Variants in KATNA1 observed in about 807,000 individuals in gnomAD.
KATNA1 encodes katanin catalytic subunit A1.
Under a neutral mutation model 62.6 loss-of-function variants are expected in KATNA1, and 42 were observed. That is an observed-to-expected ratio of 0.67 (90% CI 0.52 to 0.87). KATNA1 has a LOEUF of 0.87. Among genes scored for constraint, KATNA1 ranks in the 40% least tolerant of loss-of-function variants. The pLI, the probability that KATNA1 is intolerant of heterozygous loss-of-function variation, is 0.00. For missense variants in KATNA1, 498 were observed against 612.5 expected, an observed-to-expected ratio of 0.81 and a Z score of 1.97; for synonymous variants, 186 against 201.9, an observed-to-expected ratio of 0.92 and a Z score of 0.67.
intron 8 of KATNA1, 90 bp from the exon 9 acceptor site, chr6:149,597,731 G>A: frequency 2.4e-6 from 3 of 1,231,856 alleles, no homozygotes; most frequent in Non-Finnish European, 2.3e-6. Context: ...CAACTATTTA[G>A]TACAACAATA....
intron 3 of KATNA1, 130 bp downstream of exon 3, chr6:149,632,629 A>G (rs1327106396): frequency 5.7e-6 from 4 of 696,844 alleles, no homozygotes; most frequent in Non-Finnish European, 9.3e-6. Flanking sequence ...AGTGAGTTAT[A>G]AAAGAGAGAA....
In KATNA1 at chr6:149,603,315, G is replaced by T; in HGVS notation, c.682C>A (p.Pro228Thr). The T allele has an allele frequency of 1.2e-6, 2 of 1,601,256 alleles. No homozygotes were observed. The highest frequency in any genetic ancestry group is 1.7e-6 in the Non-Finnish European group (2 of 1,171,368). Residue 228 changes from proline to threonine, a missense_variant, in exon 6 of 11, where the codon CCA (proline) becomes ACA (threonine). Around this residue, in one of 3 missense-constraint regions of KATNA1, gnomAD observed 267 missense variants for 372.6 expected, o/e 0.72. Transcript: ENST00000367411. Reference protein sequence around the residue: ...KKLLKEAVVLPMWMPEFFKGI... With the variant: ...KKLLKEAVVLTMWMPEFFKGI... Reference sequence around the variant, plus strand: ...TTAAAGAATTCGGGCATCCACATTGGTAACACTACGGCTTCCTTAAGCAAC... The same window carrying T: ...TTAAAGAATTCGGGCATCCACATTGTTAACACTACGGCTTCCTTAAGCAAC...
At chr6:149,603,925 T>C (rs1282291580) in intron 5 of KATNA1, among the ~76,000 whole-genome samples, 1 of 152,202 alleles carries the variant, frequency 6.6e-6, no homozygotes, top group Admixed American at 6.6e-5. Context: ...AAAAAGTATT[T>C]TCATTGTATA....
intron 4 of KATNA1, among the ~76,000 whole-genome samples, chr6:149,606,015 C>T (rs1406256421): frequency 6.6e-6 from 1 of 152,154 alleles, no homozygotes; most frequent in Non-Finnish European, 1.5e-5. Context: ...CCACCTCGGC[C>T]TCCCAAAGTG....
At chr6:149,600,957 C>T (rs559538826) in intron 7 of KATNA1, among the ~76,000 whole-genome samples, 5 of 152,170 alleles carry the variant, frequency 3.3e-5, no homozygotes, top group African/African-American at 1.2e-4. Flanking sequence ...AGAAGATTCA[C>T]GTCTTTGTCA....
chr6:149,638,519 A>G lies in KATNA1; in HGVS notation c.29T>C (p.Val10Ala), dbSNP rs747458691. 2.5e-6 allele frequency: 4 copies of G among 1,613,678 alleles called. No individual in the cohort carries two copies. The highest frequency in any genetic ancestry group is 4.5e-5 in the East Asian group (2 of 44,870). Residue 10 changes from valine to alanine, a missense_variant, in exon 2 of 11, where the codon GTA (valine) becomes GCA (alanine). Coordinates refer to ENST00000367411, the MANE Select transcript of KATNA1 (RefSeq NM_007044.4). ...CAATGCATATTCACGAGCCAATTTTACATTCTCACTAATCATAAGAAGACT... is the reference window on the plus strand; with the variant it reads ...CAATGCATATTCACGAGCCAATTTTGCATTCTCACTAATCATAAGAAGACT... MSLLMISEN[V>A]KLAREYALLG...
At chr6:149,641,177 G>A (rs934459749) in intron 1 of KATNA1, among the ~76,000 whole-genome samples, 3 of 123,746 alleles carry the variant, frequency 2.4e-5, no homozygotes, top group African/African-American at 9.7e-5. Flanking sequence ...GTCTGGCCTC[G>A]GGTTTTTTTT....
chr6:149,619,128 A>C (rs544961787), intron 4 of KATNA1, among the ~76,000 whole-genome samples: 2 of 152,296 alleles, frequency 1.3e-5, no homozygotes, highest in African/African-American at 4.8e-5. Flanking sequence ...AACAAGAGCA[A>C]AAAACCCCCC....
intron 4 of KATNA1, among the ~76,000 whole-genome samples, chr6:149,615,652 G>T (rs1682384375): frequency 6.6e-6 from 1 of 151,990 alleles, no homozygotes; most frequent in African/African-American, 2.4e-5. Flanking sequence ...GACAGGGTGT[G>T]CACCTATAGT....
At chr6:149,600,194 T>TAAAAAAA (rs67468519) in intron 7 of KATNA1, among the ~76,000 whole-genome samples, 1 of 67,994 alleles carries the variant, frequency 1.5e-5, no homozygotes, top group Non-Finnish European at 2.6e-5. Context: ...GAGCTTATCT[T>TAAAAAAA]AAAAAAAAAA....
rs1162837330 is a variant in KATNA1, at chr6:149,638,556, G to C, written c.-9C>G. 1.9e-6 allele frequency: 3 copies of C among 1,598,220 alleles called. No individual in the cohort carries two copies. The highest frequency in any genetic ancestry group is 2.6e-6 in the Non-Finnish European group (3 of 1,172,582). Reference sequence around the variant, plus strand: ...ATCATAAGAAGACTCATGTTCAACTGTAAGCTAAAAAGAAGAAGAAAAAAA... The same window carrying C: ...ATCATAAGAAGACTCATGTTCAACTCTAAGCTAAAAAGAAGAAGAAAAAAA... On this transcript the variant is annotated 5_prime_UTR_variant, in exon 2 of 11. Transcript: ENST00000367411.
At chr6:149,615,867 C>T (rs2115108113) in intron 4 of KATNA1, among the ~76,000 whole-genome samples, 1 of 152,140 alleles carries the variant, frequency 6.6e-6, no homozygotes, top group South Asian at 2.1e-4. Flanking sequence ...CTACAAGAGA[C>T]ACTTTAGATC....
intron 4 of KATNA1, among the ~76,000 whole-genome samples, chr6:149,617,578 G>T (rs898089027): frequency 6.6e-6 from 1 of 152,164 alleles, no homozygotes; most frequent in Non-Finnish European, 1.5e-5. Flanking sequence ...GAGGCGGGCG[G>T]ATCACGAGGT....
intron 1 of KATNA1, 129 bp from the exon 2 acceptor site, chr6:149,638,689 T>TAG: frequency 1.9e-6 from 1 of 535,022 alleles, no homozygotes; most frequent in Non-Finnish European, 3.3e-6. Context: ...CCCATCTCTA[T>TAG]ATGTGTGCTC....
intron 4 of KATNA1, among the ~76,000 whole-genome samples, chr6:149,616,024 CAG>C (rs1365349930): frequency 6.6e-6 from 1 of 152,040 alleles, no homozygotes; most frequent in Non-Finnish European, 1.5e-5. Context: ...GCCGAATTCA[CAG>C]AGAGAGGAGG....
At chr6:149,603,955 AT>A (rs1189601770) in intron 5 of KATNA1, among the ~76,000 whole-genome samples, 6 of 152,326 alleles carry the variant, frequency 3.9e-5, no homozygotes, top group African/African-American at 1.2e-4. Flanking sequence ...TGTCCCCAAT[AT>A]TTTTTAATAT....
intron 4 of KATNA1, among the ~76,000 whole-genome samples, chr6:149,615,874 G>T (rs1004797474): frequency 2.6e-5 from 4 of 152,118 alleles, no homozygotes; most frequent in African/African-American, 7.2e-5. Flanking sequence ...AGACACTTTA[G>T]ATCTAGACAC....
intron 2 of KATNA1, among the ~76,000 whole-genome samples, chr6:149,636,307 C>T (rs1780062765): frequency 6.6e-6 from 1 of 152,042 alleles, no homozygotes; most frequent in Admixed American, 6.6e-5. Context: ...CATGGTGACT[C>T]ATGCCTATAA....
upstream of KATNA1, chr6:149,648,771 G>C (rs911173369): frequency 2.0e-5 from 3 of 152,406 alleles, no homozygotes; most frequent in Admixed American, 6.5e-5. Flanking sequence ...CGGCGGAAGA[G>C]GGTGTGGCCG....
Sources: allele counts gnomAD v4.1 joint callset (sites outside exome capture counted in the v4.1 genomes callset), GRCh38; gene constraint gnomAD v4.1.1; regional missense constraint gnomAD v4.1.1; transcripts MANE v1.5; gene names NCBI Gene and HGNC (gene_info 2026-07-23, HGNC 2026-07-21).